ATP2B2: variants seen among roughly 807,000 people sequenced by gnomAD.
The protein encoded by ATP2B2 is plasma membrane calcium-transporting ATPase 2.
Under a neutral mutation model 120.0 loss-of-function variants are expected in ATP2B2, and 15 were observed. The observed-to-expected ratio is 0.12, with a 90% CI of 0.08 to 0.19. The LOEUF (loss-of-function observed/expected upper bound fraction) is 0.19. ATP2B2 is among the 10% of genes least tolerant of loss of function. ATP2B2 has a pLI of 1.00. For synonymous variants in ATP2B2, 694 were observed against 700.3 expected (o/e 0.99, Z 0.14); for missense variants, 1,045 against 1,719.8 (o/e 0.61, Z 6.94).
chr3:10,565,314 C>T (rs2067987229), intron 2 of ATP2B2, among the ~76,000 whole-genome samples: 1 of 152,160 alleles, frequency 6.6e-6, no homozygotes, highest in African/African-American at 2.4e-5. Flanking sequence ...ATGAAGGAAG[C>T]ACAGCTTGGG....
chr3:10,468,434 G>A (rs1246554002), intron 1 of ATP2B2, among the ~76,000 whole-genome samples: 1 of 152,246 alleles, frequency 6.6e-6, no homozygotes, highest in African/African-American at 2.4e-5. Flanking sequence ...GAACGGCCCT[G>A]GGCCAGAGGG....
chr3:10,517,210 C>T lies in ATP2B2; in HGVS notation c.-320+16829G>A, dbSNP rs115432186. Among the ~76,000 whole-genome samples, 620 of 152,326 alleles carry T rather than the reference C, an allele frequency of 4.1e-3. 2 individuals carry two copies. The highest frequency in any genetic ancestry group is 0.014 in the African/African-American group (565 of 41,574). On this transcript the variant is annotated intron_variant, in intron 3 of 21. Transcript: ENST00000646379. ...ACAGCCCTGGAACTCCTAACCAGGT[C>T]GACTGGGTCTACACCGAGGAGCTGA...
intron 1 of ATP2B2, among the ~76,000 whole-genome samples, chr3:10,661,194 A>G (rs75112278): frequency 0.097 from 14,747 of 152,020 alleles, 1,235 homozygotes; most frequent in African/African-American, 0.23. Flanking sequence ...GCACAAGACA[A>G]GGATGCCCTC....
intron 2 of ATP2B2, among the ~76,000 whole-genome samples, chr3:10,539,750 A>C (rs2067393297): frequency 6.6e-6 from 1 of 152,208 alleles, no homozygotes; most frequent in Non-Finnish European, 1.5e-5. Flanking sequence ...GTTAGACCTA[A>C]AAACCATAAA....
chr3:10,541,251 T>C (rs527735877), intron 2 of ATP2B2, among the ~76,000 whole-genome samples: 1 of 152,210 alleles, frequency 6.6e-6, no homozygotes, highest in South Asian at 2.1e-4. Flanking sequence ...TGTCATTTTT[T>C]GGTTTTCAAC....
At chr3:10,487,235 T>C (rs2065719818) in intron 1 of ATP2B2, among the ~76,000 whole-genome samples, 1 of 152,090 alleles carries the variant, frequency 6.6e-6, no homozygotes. Context: ...CACAAGCATG[T>C]GTGTGCGCAC....
intron 1 of ATP2B2, among the ~76,000 whole-genome samples, chr3:10,629,197 C>CA (rs1389217957): frequency 1.3e-5 from 2 of 152,180 alleles, no homozygotes; most frequent in African/African-American, 4.8e-5. Flanking sequence ...CTGCAGAAGG[C>CA]ACCCCTGCTT....
chr3:10,542,828 T>C (rs1173427127), intron 2 of ATP2B2, among the ~76,000 whole-genome samples: 1 of 152,248 alleles, frequency 6.6e-6, no homozygotes, highest in Non-Finnish European at 1.5e-5. Context: ...GGGTTTAACC[T>C]CTTTGGAATT....
chr3:10,557,991 G>A (rs2067818378), intron 2 of ATP2B2, among the ~76,000 whole-genome samples: 1 of 152,144 alleles, frequency 6.6e-6, no homozygotes, highest in South Asian at 2.1e-4. Flanking sequence ...AGTGATACAG[G>A]GACATAATGT....
intron 12 of ATP2B2, 64 bp from the exon 13 acceptor site, chr3:10,360,187 C>T (rs1292680410): frequency 2.6e-6 from 4 of 1,523,240 alleles, no homozygotes; most frequent in Non-Finnish European, 3.5e-6. Context: ...TCTGCCCTGG[C>T]TGCCACTGAG....
Position 10,464,750 on chromosome 3 carries a change from G to A in ATP2B2, c.-319-14888C>T, listed in dbSNP as rs573957780. On this transcript the variant is annotated intron_variant, in intron 1 of 22. Transcript: ENST00000360273. Reference sequence around the variant, plus strand: ...CTCCCAGGGTTGTTGGGAGGAAAATGTGAGTTAATGCAGGGCACAGGGCTC... The same window carrying A: ...CTCCCAGGGTTGTTGGGAGGAAAATATGAGTTAATGCAGGGCACAGGGCTC... Among the ~76,000 whole-genome samples the A allele has an allele frequency of 2.0e-5, 3 of 152,352 alleles. No homozygotes were observed. The South Asian group carries it at 6.2e-4, about 32-fold the overall frequency.
intron 22 of ATP2B2, among the ~76,000 whole-genome samples, chr3:10,334,818 G>GC (rs1553643044): frequency 1.3e-5 from 2 of 151,956 alleles, no homozygotes; most frequent in African/African-American, 4.8e-5. Flanking sequence ...GGCTGCAGGG[G>GC]TTGTGTTGTG....
In ATP2B2 at chr3:10,329,794, G is replaced by A. The variant is rs556503842; in HGVS notation, c.3421-669C>T. ...AGCCAGAAAGCACATGGGAGCTGGC[G>A]GACAGATGACATTCGGGGGCGGGCT... On this transcript the variant is annotated intron_variant, in intron 22 of 22. Transcript: ENST00000360273. The surrounding 1 kb of genome is among the most constrained non-coding windows in gnomAD (Gnocchi z 5.9). 3.7e-4 allele frequency among the ~76,000 whole-genome samples: 56 copies of A among 152,260 alleles called. No homozygotes were observed. Among genetic ancestry groups the A allele is most frequent in the South Asian group, 1.2e-3 (6 of 4,828 alleles).
chr3:10,557,202 G>A (rs759474488), intron 2 of ATP2B2, among the ~76,000 whole-genome samples: 7 of 152,296 alleles, frequency 4.6e-5, no homozygotes, highest in South Asian at 2.1e-4. Context: ...TGGCCACTGC[G>A]TTCTGGAAGG....
chr3:10,611,993 C>G (rs2069251718), intron 2 of ATP2B2, among the ~76,000 whole-genome samples: 1 of 152,212 alleles, frequency 6.6e-6, no homozygotes, highest in Non-Finnish European at 1.5e-5. Flanking sequence ...GTCTACATTT[C>G]TGCCAGCCAG....
intron 1 of ATP2B2, among the ~76,000 whole-genome samples, chr3:10,628,356 C>G (rs2069766588): frequency 6.6e-6 from 1 of 152,238 alleles, no homozygotes; most frequent in African/African-American, 2.4e-5. Context: ...GCAATGGTGG[C>G]CAGACTGGGT....
At chr3:10,407,392 C>T (rs1273495271) in intron 3 of ATP2B2, among the ~76,000 whole-genome samples, 2 of 152,346 alleles carry the variant, frequency 1.3e-5, no homozygotes, top group East Asian at 1.9e-4. Context: ...CCCTCCCTGC[C>T]TTCCTTCTTC....
At chr3:10,658,670 T>G (rs929757799) in intron 1 of ATP2B2, among the ~76,000 whole-genome samples, 9 of 152,040 alleles carry the variant, frequency 5.9e-5, no homozygotes, top group East Asian at 1.9e-4. Flanking sequence ...AAAACACTCT[T>G]CAGGATATTA....
chr3:10,510,858 G>A (rs2066747117), intron 3 of ATP2B2, among the ~76,000 whole-genome samples: 1 of 152,142 alleles, frequency 6.6e-6, no homozygotes, highest in Admixed American at 6.5e-5. Flanking sequence ...CATACATGCT[G>A]CCCACTCCCG....
Sources: gnomAD v4.1 joint callset for allele counts (sites outside exome capture counted in the v4.1 genomes callset) on GRCh38, gnomAD v4.1.1 for gene constraint, Gnocchi (gnomAD v3.1) non-coding constraint, MANE v1.5 for transcripts, NCBI Gene and HGNC (gene_info 2026-07-23, HGNC 2026-07-21) for gene names.